The following TEC variants were observed in gnomAD, a reference collection of about 807,000 sequenced individuals.
TEC encodes the protein tec protein tyrosine kinase.
In TEC, 72 loss-of-function variants were observed where a neutral mutation model predicts 93.0. The observed-to-expected ratio is 0.77, with a 90% CI of 0.64 to 0.94. TEC has a LOEUF of 0.94. Ranked by LOEUF, TEC falls within the 40% of genes least tolerant of loss-of-function variation. The probability of loss-of-function intolerance (pLI) is 0.00; values close to 1 mark genes in which losing one functional copy is unlikely to be tolerated. For synonymous variants in TEC, 249 were observed against 247.7 expected (o/e 1.01, Z -0.05); for missense variants, 630 against 757.9 (o/e 0.83, Z 1.98).
At position 48,159,083 on chromosome 4, in the gene TEC, G is replaced by GA. The variant is rs35956463; in HGVS notation, c.738-2350dup. 3.1e-3 allele frequency among the ~76,000 whole-genome samples: 358 copies of GA among 114,400 alleles called. 1 individual carries two copies. Among genetic ancestry groups the GA allele is most frequent in the Non-Finnish European group, 3.7e-3 (188 of 50,456 alleles). The allele number at this position is 114,400 out of a possible 152,430, so 75.1% of individuals were successfully genotyped here. A position where few individuals can be genotyped will look rare whatever the true frequency, so the allele number is the denominator to read the frequency against. On this transcript the variant is annotated intron_variant, in intron 8 of 17. Coordinates refer to ENST00000381501, the MANE Select transcript of TEC (RefSeq NM_003215.3). ...CCTGTGATTATCTATCTCCAGGCAA[G>GA]AAAAAAAAAAAAAAGACAACAAAGG... is the stretch of plus-strand genomic sequence containing the variant.
rs936699104 is a variant in TEC, at chr4:48,236,043, G to A, written c.-45-7384C>T. Among the ~76,000 whole-genome samples the A allele has an allele frequency of 1.4e-4, 21 of 152,242 alleles. No individual in the cohort carries two copies. In the East Asian group the frequency reaches 2.9e-3, roughly 21 times the overall value. Reference sequence around the variant, plus strand: ...ATGAGGTGTCACTTCCAGTCTCCTAGTTTAGGAGACTGCTAAGTGCAATTG... The same window carrying A: ...ATGAGGTGTCACTTCCAGTCTCCTAATTTAGGAGACTGCTAAGTGCAATTG... On this transcript the variant is annotated intron_variant, in intron 1 of 17. Transcript: ENST00000381501.
intron 1 of TEC, among the ~76,000 whole-genome samples, chr4:48,265,732 C>T (rs1373319887): frequency 1.3e-5 from 2 of 151,930 alleles, no homozygotes; most frequent in Non-Finnish European, 2.9e-5. Context: ...AGACTGGTCT[C>T]GAACTCCTGA....
At chr4:48,169,322 T>C (rs1219873773) in intron 5 of TEC, among the ~76,000 whole-genome samples, 2 of 151,850 alleles carry the variant, frequency 1.3e-5, no homozygotes, top group African/African-American at 2.4e-5. Flanking sequence ...AACTTTTGGG[T>C]CCCTTTTTAC....
chr4:48,156,800 TTAA>T (rs1242550718), intron 8 of TEC, 66 bp from the exon 9 acceptor site: 21 of 1,316,124 alleles, frequency 1.6e-5, no homozygotes, highest in Non-Finnish European at 6.3e-6. Flanking sequence ...CTTTTCAGAA[TTAA>T]TAAAGTAATT....
At chr4:48,174,300 C>G (rs546387090) in intron 3 of TEC, among the ~76,000 whole-genome samples, 2 of 152,202 alleles carry the variant, frequency 1.3e-5, no homozygotes, top group East Asian at 3.9e-4. Flanking sequence ...AATGCTGGGT[C>G]CAGAATCATG....
chr4:48,220,086 C>A (rs1464027213), intron 2 of TEC, among the ~76,000 whole-genome samples: 1 of 151,584 alleles, frequency 6.6e-6, no homozygotes, highest in African/African-American at 2.4e-5. Context: ...TCATGGTTCA[C>A]AACATACATA....
intron 1 of TEC, among the ~76,000 whole-genome samples, chr4:48,231,314 T>C (rs1723637504): frequency 6.6e-6 from 1 of 152,246 alleles, no homozygotes; most frequent in Admixed American, 6.5e-5. Flanking sequence ...TTGCCCTTTT[T>C]GCATCTAAGT....
intron 7 of TEC, among the ~76,000 whole-genome samples, chr4:48,164,731 G>A (rs1720811498): frequency 6.6e-6 from 1 of 152,204 alleles, no homozygotes; most frequent in Non-Finnish European, 1.5e-5. Flanking sequence ...TCCAGGTGCA[G>A]TGGCTCACGC....
Position 48,170,393 on chromosome 4 carries a change from T to G in TEC, c.326-17A>C. 7.8e-7 allele frequency: 1 copy of G among 1,286,392 alleles called. No homozygotes were observed. The highest frequency in any genetic ancestry group is 1.5e-5 in the African/African-American group (1 of 66,928). 79.7% of individuals were successfully genotyped at this position (1,286,392 alleles called of 1,614,324 possible). ...TCTTTATTTCTGTAATTCACAGATA[T>G]AGTAATTAATAGTGAAATACAAAAG... On this transcript the variant is annotated splice_polypyrimidine_tract_variant and intron_variant, in intron 4 of 17. Transcript: ENST00000381501.
At chr4:48,186,738 G>A (rs1326027646) in intron 2 of TEC, among the ~76,000 whole-genome samples, 4 of 141,886 alleles carry the variant, frequency 2.8e-5, no homozygotes, top group African/African-American at 5.3e-5. Context: ...GCCCCCGCCC[G>A]GTCAGCCGCC....
chr4:48,221,568 C>A (rs1286594675), intron 2 of TEC, among the ~76,000 whole-genome samples: 1 of 152,158 alleles, frequency 6.6e-6, no homozygotes, highest in South Asian at 2.1e-4. Flanking sequence ...AGTGTGAGAA[C>A]CAACTAATCC....
At chr4:48,256,514 C>CAA (rs1724349895) in intron 1 of TEC, among the ~76,000 whole-genome samples, 1 of 148,770 alleles carries the variant, frequency 6.7e-6, no homozygotes, top group Non-Finnish European at 1.5e-5. Context: ...GATCGCTTGA[C>CAA]CCTGGAAGGT....
chr4:48,171,111 C>T (rs1358886202), intron 4 of TEC, among the ~76,000 whole-genome samples: 4 of 152,128 alleles, frequency 2.6e-5, no homozygotes, highest in Non-Finnish European at 5.9e-5. Context: ...TTATCACCTT[C>T]AGATATATTA....
At chr4:48,200,559 C>T (rs150000166) in intron 2 of TEC, among the ~76,000 whole-genome samples, 1,586 of 152,254 alleles carry the variant, frequency 0.01, 11 homozygotes, top group Non-Finnish European at 0.015. Flanking sequence ...ACATCCATTT[C>T]CCACTAATAA....
intron 8 of TEC, among the ~76,000 whole-genome samples, chr4:48,158,532 C>A (rs1402375511): frequency 6.6e-6 from 1 of 152,048 alleles, no homozygotes; most frequent in Non-Finnish European, 1.5e-5. Flanking sequence ...CAAAAACATT[C>A]ACAAAAATTA....
At chr4:48,154,058 G>T (rs1002820307) in intron 9 of TEC, among the ~76,000 whole-genome samples, 2 of 152,132 alleles carry the variant, frequency 1.3e-5, no homozygotes, top group Non-Finnish European at 2.9e-5. Flanking sequence ...ATTGCTACAG[G>T]GTATGCTGTG....
intron 1 of TEC, among the ~76,000 whole-genome samples, chr4:48,256,242 C>T (rs993295798): frequency 4.0e-5 from 6 of 151,868 alleles, no homozygotes; most frequent in Admixed American, 3.3e-4. Flanking sequence ...TACCAGAATG[C>T]GAGGAAGAGA....
chr4:48,230,098 AT>A (rs1723602905), intron 1 of TEC, among the ~76,000 whole-genome samples: 4 of 148,750 alleles, frequency 2.7e-5, no homozygotes, highest in South Asian at 2.2e-4. Flanking sequence ...AATAATAATA[AT>A]AATAAATAAA....
At chr4:48,209,845 G>T (rs1184057458) in intron 2 of TEC, among the ~76,000 whole-genome samples, 2 of 152,194 alleles carry the variant, frequency 1.3e-5, no homozygotes, top group African/African-American at 4.8e-5. Flanking sequence ...GAAGAACTTA[G>T]AGAACATAAA....
Sources: gnomAD v4.1 joint callset for allele counts (sites outside exome capture counted in the v4.1 genomes callset) on GRCh38, gnomAD v4.1.1 for gene constraint, MANE v1.5 for transcripts, NCBI Gene and HGNC (gene_info 2026-07-23, HGNC 2026-07-21) for gene names.